RAD51B: variants seen among roughly 807,000 people sequenced by gnomAD.
The protein encoded by RAD51B is DNA repair protein RAD51 homolog 2.
In RAD51B, 38 loss-of-function variants were observed where a neutral mutation model predicts 42.2. The ratio of observed to expected loss-of-function variants is 0.90; its 90% CI spans 0.70 to 1.18. The LOEUF is 1.18. RAD51B is among the 50% of genes most tolerant of loss of function. RAD51B has a pLI of 0.00. For missense variants in RAD51B, 373 were observed against 400.7 expected (o/e 0.93, Z 0.59); for synonymous variants, 154 against 145.2 (o/e 1.06, Z -0.43).
chr14:68,363,645 T>A (rs949477088), intron 8 of RAD51B, among the ~76,000 whole-genome samples: 1 of 152,212 alleles, frequency 6.6e-6, no homozygotes, highest in African/African-American at 2.4e-5. Flanking sequence ...AACATAGCTC[T>A]GTGGCTCAAG....
chr14:68,200,863 G>A (rs911431078), intron 7 of RAD51B, among the ~76,000 whole-genome samples: 4 of 151,740 alleles, frequency 2.6e-5, no homozygotes, highest in African/African-American at 9.7e-5. Flanking sequence ...TCGCTATGTT[G>A]CCCAGGCCGG....
At chr14:68,000,209 G>C (rs1425686165) in intron 7 of RAD51B, 2 of 152,030 alleles carry the variant, frequency 1.3e-5, no homozygotes, top group Admixed American at 1.3e-4. Context: ...ACTGCTTTAC[G>C]TTGATAGTCT....
chr14:68,121,811 G>T (rs182370306), intron 7 of RAD51B, among the ~76,000 whole-genome samples: 1 of 152,108 alleles, frequency 6.6e-6, no homozygotes. Flanking sequence ...AGAACATTGC[G>T]GTGGGACTAG....
At chr14:68,464,266 A>G (rs1367271608) in intron 9 of RAD51B, among the ~76,000 whole-genome samples, 1 of 152,194 alleles carries the variant, frequency 6.6e-6, no homozygotes, top group Non-Finnish European at 1.5e-5. Context: ...ATGATTCACA[A>G]GTCCAAATGT....
intron 10 of RAD51B, among the ~76,000 whole-genome samples, chr14:68,539,753 G>A (rs975921797): frequency 2.0e-4 from 31 of 152,222 alleles, no homozygotes; most frequent in Admixed American, 1.6e-3. Context: ...TTCTTTGGCC[G>A]CTGTCAGCTG....
rs558310904 is a variant in RAD51B, at chr14:67,903,632, G to A, written c.756+16428G>A. Among the ~76,000 whole-genome samples, 8 of 152,240 alleles carry A rather than the reference G, an allele frequency of 5.3e-5. No individual in the cohort carries two copies. The South Asian group carries it at 1.7e-3, about 32-fold the overall frequency. On this transcript the variant is annotated intron_variant, in intron 7 of 10. Coordinates refer to ENST00000471583, the MANE Select transcript of RAD51B (RefSeq NM_133510.4). Reference sequence around the variant, plus strand: ...ACCCTAATCGTGTTTTGGTAGCTGTGTGCCCAGCCTCAGTTCATGACAGTC... The same window carrying A: ...ACCCTAATCGTGTTTTGGTAGCTGTATGCCCAGCCTCAGTTCATGACAGTC...
chr14:68,584,824 A>C (rs1890378718), intron 10 of RAD51B, among the ~76,000 whole-genome samples: 1 of 152,206 alleles, frequency 6.6e-6, no homozygotes. Flanking sequence ...GTTATGTAGA[A>C]ATCATAGAAC....
intron 10 of RAD51B, among the ~76,000 whole-genome samples, chr14:68,536,747 C>A (rs1375835259): frequency 1.3e-5 from 2 of 152,018 alleles, no homozygotes; most frequent in Non-Finnish European, 2.9e-5. Flanking sequence ...TAGTCTTTTT[C>A]CCCCCTTTTG....
At chr14:68,358,928 T>G (rs1371580253) in intron 8 of RAD51B, among the ~76,000 whole-genome samples, 1 of 152,172 alleles carries the variant, frequency 6.6e-6, no homozygotes, top group African/African-American at 2.4e-5. Context: ...ATTGGAGACA[T>G]GTAATCCTAG....
chr14:68,474,548 GA>G (rs1882393500), intron 10 of RAD51B, among the ~76,000 whole-genome samples: 2 of 152,212 alleles, frequency 1.3e-5, no homozygotes, highest in Non-Finnish European at 2.9e-5. Flanking sequence ...CTGAGTTCCA[GA>G]AAGGTAAAGT....
intron 7 of RAD51B, among the ~76,000 whole-genome samples, chr14:68,078,894 G>A (rs1196872858): frequency 2.0e-5 from 3 of 152,112 alleles, no homozygotes; most frequent in South Asian, 2.1e-4. Context: ...GGAGGTTGTG[G>A]TGGGGGAATT....
intron 7 of RAD51B, among the ~76,000 whole-genome samples, chr14:67,969,091 C>T (rs910636141): frequency 1.3e-5 from 2 of 152,132 alleles, no homozygotes; most frequent in South Asian, 4.1e-4. Flanking sequence ...TATTCACTAT[C>T]ACGAGAACAG....
chr14:68,183,414 A>G (rs1018904287), intron 7 of RAD51B, among the ~76,000 whole-genome samples: 5 of 152,174 alleles, frequency 3.3e-5, no homozygotes, highest in African/African-American at 4.8e-5. Context: ...CTTTCTAGCC[A>G]CACTGGCAGC....
intron 5 of RAD51B, among the ~76,000 whole-genome samples, chr14:67,879,408 G>C (rs1370921076): frequency 2.6e-5 from 4 of 151,870 alleles, no homozygotes; most frequent in African/African-American, 9.7e-5. Flanking sequence ...TAGCCAAGTT[G>C]ACACAAAACT....
chr14:68,217,204 C>T (rs1228069330), intron 7 of RAD51B, among the ~76,000 whole-genome samples: 6 of 152,156 alleles, frequency 3.9e-5, no homozygotes, highest in African/African-American at 1.2e-4. Context: ...ATGACAAGGC[C>T]TGGAGGTGGG....
intron 9 of RAD51B, among the ~76,000 whole-genome samples, chr14:68,466,270 C>G (rs1256480804): frequency 6.6e-6 from 1 of 152,126 alleles, no homozygotes; most frequent in Non-Finnish European, 1.5e-5. Flanking sequence ...GGAAATGTTC[C>G]TATTATTTAT....
At chr14:68,165,264 T>C (rs2078725210) in intron 7 of RAD51B, among the ~76,000 whole-genome samples, 1 of 152,214 alleles carries the variant, frequency 6.6e-6, no homozygotes, top group Non-Finnish European at 1.5e-5. Flanking sequence ...AAATTTATTC[T>C]TTTGTCCCAT....
intron 7 of RAD51B, among the ~76,000 whole-genome samples, chr14:68,024,391 T>A (rs1348207698): frequency 1.3e-5 from 2 of 152,226 alleles, no homozygotes; most frequent in Non-Finnish European, 2.9e-5. Context: ...GGTAGTTTGA[T>A]AGGAATAGCA....
rs200168771 is a variant in RAD51B, at chr14:68,291,892, G to A, written c.765G>A (p.Leu255=). ...TCCCTGTCTGTTCACAGGTTATCTT[G>A]ACGAATCAGATTACAACCCATCTGA... The part of the protein sequence containing the change: ...LAEEFSIPVI[L]TNQITTHLSG... The change falls in exon 8 of 11, where the codon TTG becomes TTA. Residue 255 remains leucine, a synonymous_variant. Transcript: ENST00000471583. The A allele has an allele frequency of 4.7e-5, 76 of 1,612,474 alleles. No homozygotes were observed. The highest frequency in any genetic ancestry group is 5.9e-5 in the Non-Finnish European group (70 of 1,179,106).
Sources: gnomAD v4.1 joint callset for allele counts (sites outside exome capture counted in the v4.1 genomes callset) on GRCh38, gnomAD v4.1.1 for gene constraint, MANE v1.5 for transcripts, NCBI Gene and HGNC (gene_info 2026-07-23, HGNC 2026-07-21) for gene names.